The following VPS13B variants were observed in gnomAD, a reference collection of about 807,000 sequenced individuals.
VPS13B encodes the protein intermembrane lipid transfer protein VPS13B.
VPS13B carries 285 observed loss-of-function variants against 426.4 expected under a neutral mutation model. The observed-to-expected ratio is 0.67, with a 90% CI of 0.61 to 0.74. The LOEUF (loss-of-function observed/expected upper bound fraction) is 0.74. Among genes scored for constraint, VPS13B ranks in the 30% least tolerant of loss-of-function variants. The pLI, the probability that VPS13B is intolerant of heterozygous loss-of-function variation, is 0.00. For missense variants in VPS13B, 4,537 were observed against 4,782.6 expected (o/e 0.95, Z 1.51); for synonymous variants, 1,676 against 1,676.4 (o/e 1.00, Z 0.01).
chr8:99,299,052 CTTTTTTTTT>C (rs11302301), intron 19 of VPS13B, among the ~76,000 whole-genome samples: 184 of 55,066 alleles, frequency 3.3e-3, no homozygotes, highest in African/African-American at 0.014. Context: ...TATTCCACCA[CTTTTTTTTT>C]TTTTTTTTTT....
chr8:99,499,761 G>A (rs971311575), intron 25 of VPS13B, among the ~76,000 whole-genome samples: 10 of 152,020 alleles, frequency 6.6e-5, no homozygotes, highest in African/African-American at 2.4e-4. Context: ...GGTGTATTTG[G>A]GACAAAGAGT....
chr8:99,085,642 C>G (rs905124015), intron 3 of VPS13B, among the ~76,000 whole-genome samples: 3 of 152,140 alleles, frequency 2.0e-5, no homozygotes, highest in Admixed American at 2.0e-4. Context: ...TTAGGGCAGG[C>G]CTGGTGGTGA....
At position 99,447,288 on chromosome 8, in the gene VPS13B, T is replaced by C. The variant is rs370624517; in HGVS notation, c.3445+4653T>C. ...TTTTATGCCACTTAGATAATAAAAA[T>C]TTAAGCTACAGCCTTGTGGTTGTGG... On this transcript the variant is annotated intron_variant, in intron 23 of 61. Coordinates refer to ENST00000357162, the MANE Select transcript of VPS13B (RefSeq NM_152564.5). Among the ~76,000 whole-genome samples the C allele has an allele frequency of 3.9e-5, 6 of 152,274 alleles. No homozygotes were observed. In the South Asian group the frequency reaches 8.3e-4, roughly 21 times the overall value.
At chr8:99,666,675 A>G (rs1373386996) in intron 35 of VPS13B, among the ~76,000 whole-genome samples, 1 of 152,206 alleles carries the variant, frequency 6.6e-6, no homozygotes, top group Non-Finnish European at 1.5e-5. Context: ...AATAAGAGCT[A>G]TCTATGATAA....
rs1415575408 is a variant in VPS13B, at chr8:99,848,914, C to T, written c.10061+20C>T. 4 of 1,599,462 alleles carry T rather than the reference C, an allele frequency of 2.5e-6. No individual in the cohort carries two copies. Among genetic ancestry groups the T allele is most frequent in the African/African-American group, 1.3e-5 (1 of 74,788 alleles). On this transcript the variant is annotated intron_variant, in intron 55 of 61. Coordinates refer to ENST00000357162, the MANE Select transcript of VPS13B (RefSeq NM_152564.5). ...CAACAGGTAGGTTTAATTATTTTCC[C>T]AGTGACAACATAGTAAGTGTTACTG...
rs576990679 is a variant in VPS13B, at chr8:99,040,968, AC to A, written c.291+2403del. Among the ~76,000 whole-genome samples the A allele has an allele frequency of 5.9e-5, 9 of 152,304 alleles. No individual in the cohort carries two copies. In the East Asian group the frequency reaches 1.7e-3, roughly 29 times the overall value. The stretch of plus-strand genomic sequence containing the variant: ...TTGTTGGTTGTCTACTCTGTACTGC[AC>A]TGAAAAGCATTGCTAAAATATTTAT... On this transcript the variant is annotated intron_variant, in intron 3 of 61. Transcript: ENST00000357162.
At position 99,835,283 on chromosome 8, in the gene VPS13B, A is replaced by G; in HGVS notation, c.9701A>G (p.Asn3234Ser). 1 of 1,613,378 alleles carries G rather than the reference A, an allele frequency of 6.2e-7. No individual in the cohort carries two copies. Residue 3234 changes from asparagine to serine, a missense_variant, in exon 53 of 62, where the codon AAT becomes AGT. Physicochemically the swap from Asn to Ser is conservative, Grantham distance 46 (BLOSUM62 1). Transcript: ENST00000357162. The stretch of plus-strand genomic sequence containing the variant: ...CCTAGTCCTCGAGTAATTATCCACA[A>G]TAGATGTCCAGTAAAAATGCTTATA... ...EDPSPRVIIHNRCPVKMLIKE... is the reference protein window; with the variant it reads ...EDPSPRVIIHSRCPVKMLIKE...
chr8:99,844,609 A>AT (rs1323148158), intron 54 of VPS13B, among the ~76,000 whole-genome samples: 3 of 152,046 alleles, frequency 2.0e-5, no homozygotes, highest in Non-Finnish European at 4.4e-5. Context: ...ATCTCAGGCA[A>AT]TCCGCCCGCC....
chr8:99,275,486 A>G (rs954426724), intron 19 of VPS13B, among the ~76,000 whole-genome samples: 3 of 152,096 alleles, frequency 2.0e-5, no homozygotes, highest in Admixed American at 2.0e-4. Context: ...AGCTGTGTGT[A>G]TAGTGGTTAA....
intron 24 of VPS13B, among the ~76,000 whole-genome samples, chr8:99,478,410 A>AT (rs375836786): frequency 0.036 from 2,489 of 68,370 alleles, 38 homozygotes; most frequent in Admixed American, 0.088. Context: ...TGAGCTCTTG[A>AT]TTTTTTTTTT....
rs751563657 is a variant in VPS13B, at chr8:99,121,164, T to C, written c.938-13T>C. 1 of 1,609,110 alleles carries C rather than the reference T, an allele frequency of 6.2e-7. No individual in the cohort carries two copies. Among genetic ancestry groups the C allele is most frequent in the African/African-American group, 1.3e-5 (1 of 74,744 alleles). On this transcript the variant is annotated splice_polypyrimidine_tract_variant and intron_variant, in intron 7 of 61. Coordinates refer to ENST00000357162, the MANE Select transcript of VPS13B (RefSeq NM_152564.5). ...TTTTGACTTATTTAAAATGACTTAA[T>C]TTTAATTGATAGGTTCTGAAGATGA...
At chr8:99,600,995 C>CT (rs1469798459) in intron 33 of VPS13B, among the ~76,000 whole-genome samples, 3 of 151,742 alleles carry the variant, frequency 2.0e-5, no homozygotes, top group Non-Finnish European at 2.9e-5. Flanking sequence ...TACTGGTTTC[C>CT]TTTTTTTAAT....
chr8:99,544,613 A>T (rs2133737555), intron 30 of VPS13B, among the ~76,000 whole-genome samples: 1 of 152,256 alleles, frequency 6.6e-6, no homozygotes, highest in Middle Eastern at 3.4e-3. Flanking sequence ...AATTCTACCT[A>T]CCGCTTTTTG....
intron 39 of VPS13B, among the ~76,000 whole-genome samples, chr8:99,759,876 A>G (rs1478592301): frequency 6.6e-6 from 1 of 152,206 alleles, no homozygotes; most frequent in Non-Finnish European, 1.5e-5. Context: ...GCCACCAACC[A>G]TACTCTCAGC....
intron 17 of VPS13B, among the ~76,000 whole-genome samples, chr8:99,236,231 A>G (rs781448931): frequency 2.0e-5 from 3 of 151,726 alleles, no homozygotes; most frequent in Non-Finnish European, 2.9e-5. Flanking sequence ...TGTAACATCT[A>G]GTTCATTTGT....
chr8:99,648,832 CCA>C (rs1352213139), intron 34 of VPS13B, among the ~76,000 whole-genome samples: 1 of 152,168 alleles, frequency 6.6e-6, no homozygotes, highest in Admixed American at 6.5e-5. Flanking sequence ...TCCTTTATCC[CCA>C]GAGCTCCAGG....
At chr8:99,786,039 C>T (rs1020823194) in intron 43 of VPS13B, among the ~76,000 whole-genome samples, 5 of 152,148 alleles carry the variant, frequency 3.3e-5, no homozygotes, top group Non-Finnish European at 4.4e-5. Flanking sequence ...TTGCATATCC[C>T]TCAGAGACCC....
intron 17 of VPS13B, among the ~76,000 whole-genome samples, chr8:99,243,114 C>T (rs933306863): frequency 6.6e-6 from 1 of 152,154 alleles, no homozygotes; most frequent in Non-Finnish European, 1.5e-5. Context: ...GGAAGATGGA[C>T]TAGAAACCAC....
At chr8:99,177,369 G>A (rs1812691638) in intron 16 of VPS13B, among the ~76,000 whole-genome samples, 1 of 152,146 alleles carries the variant, frequency 6.6e-6, no homozygotes, top group East Asian at 1.9e-4. Flanking sequence ...ATTTGATAAT[G>A]TGTTTAGATA....
Sources: allele counts gnomAD v4.1 joint callset (sites outside exome capture counted in the v4.1 genomes callset), GRCh38; gene constraint gnomAD v4.1.1; transcripts MANE v1.5; gene names NCBI Gene and HGNC (gene_info 2026-07-23, HGNC 2026-07-21).